Variants in SYN3 observed in about 807,000 individuals in gnomAD.
The protein encoded by SYN3 is synapsin-3.
In SYN3, 35 loss-of-function variants were observed where a neutral mutation model predicts 65.8. The observed-to-expected ratio is 0.53, with a 90% CI of 0.41 to 0.70. The LOEUF is 0.70. Ranked by LOEUF, SYN3 falls within the 30% of genes least tolerant of loss-of-function variation. The probability of loss-of-function intolerance (pLI) is 0.00; values close to 1 mark genes in which losing one functional copy is unlikely to be tolerated. For missense variants in SYN3, 680 were observed against 749.0 expected (o/e 0.91, Z 1.08); for synonymous variants, 270 against 292.9 (o/e 0.92, Z 0.80).
intron 1 of SYN3, among the ~76,000 whole-genome samples, chr22:33,027,666 A>AAAAGAAAGAAAAG (rs2053662595): frequency 6.6e-6 from 1 of 151,894 alleles, no homozygotes; most frequent in African/African-American, 2.4e-5. Context: ...AAAAGAAAGA[A>AAAAGAAAGAAAAG]AAAGAAAGAA....
chr22:32,885,861 C>T (rs2049274402), intron 4 of SYN3, among the ~76,000 whole-genome samples: 1 of 152,098 alleles, frequency 6.6e-6, no homozygotes, highest in South Asian at 2.1e-4. Context: ...GCACCAGGCC[C>T]ATATTCCCTT....
Position 32,640,946 on chromosome 22 carries a change from T to C in SYN3, c.712-44210A>G, listed in dbSNP as rs192430854. Among the ~76,000 whole-genome samples, 321 of 152,294 alleles carry C rather than the reference T, an allele frequency of 2.1e-3. 1 individual carries two copies. The highest frequency in any genetic ancestry group is 3.7e-3 in the Non-Finnish European group (254 of 68,028). ...TAGAAACAGAGTCACAGGGGTATTA[T>C]AAATAAGCATCGGGCTTCAAGTCAG... On this transcript the variant is annotated intron_variant, in intron 6 of 13. Transcript: ENST00000358763.
At chr22:32,533,011 G>A (rs1017177309) in intron 10 of SYN3, among the ~76,000 whole-genome samples, 1 of 151,926 alleles carries the variant, frequency 6.6e-6, no homozygotes, top group Admixed American at 6.6e-5. Flanking sequence ...GGGAGGGGAC[G>A]GGAGGGCTGT....
chr22:32,995,619 AAG>A (rs942134278), intron 2 of SYN3, among the ~76,000 whole-genome samples: 5 of 152,010 alleles, frequency 3.3e-5, no homozygotes, highest in Admixed American at 3.3e-4. Context: ...AGGACAGGCC[AAG>A]ATGCCCTGCA....
At chr22:33,005,501 A>G (rs1375333906) in intron 2 of SYN3, among the ~76,000 whole-genome samples, 1 of 152,180 alleles carries the variant, frequency 6.6e-6, no homozygotes, top group East Asian at 1.9e-4. Context: ...TACTATACCC[A>G]TGCATCTCAG....
chr22:33,057,222 C>T (rs2054268497), intron 1 of SYN3, among the ~76,000 whole-genome samples: 1 of 152,202 alleles, frequency 6.6e-6, no homozygotes, highest in Admixed American at 6.5e-5. Flanking sequence ...GACCTGATCA[C>T]TGATCAGAAT....
At chr22:32,793,651 G>C (rs969878072) in intron 6 of SYN3, among the ~76,000 whole-genome samples, 22 of 152,216 alleles carry the variant, frequency 1.4e-4, no homozygotes, top group Non-Finnish European at 2.4e-4. Context: ...GGGAAGGAAG[G>C]AGAGGACCCT....
chr22:32,586,054 G>GTATATGTA (rs1178170208), intron 7 of SYN3, among the ~76,000 whole-genome samples: 2 of 123,954 alleles, frequency 1.6e-5, no homozygotes, highest in Admixed American at 8.0e-5. Flanking sequence ...GTATATATGT[G>GTATATGTA]TATATGTATA....
At chr22:32,741,706 A>G (rs2061408934) in intron 6 of SYN3, among the ~76,000 whole-genome samples, 1 of 152,082 alleles carries the variant, frequency 6.6e-6, no homozygotes, top group Admixed American at 6.5e-5. Context: ...GCCTTTCCTC[A>G]TAGGACAAGC....
chr22:33,036,215 T>C (rs2145917272), intron 1 of SYN3, among the ~76,000 whole-genome samples: 1 of 152,306 alleles, frequency 6.6e-6, no homozygotes, highest in African/African-American at 2.4e-5. Flanking sequence ...GATGTGTCTG[T>C]GGCTTATGTT....
chr22:32,966,775 G>A (rs988397982), intron 3 of SYN3, among the ~76,000 whole-genome samples: 10 of 152,142 alleles, frequency 6.6e-5, no homozygotes, highest in African/African-American at 2.2e-4. Flanking sequence ...AATTAGCCAG[G>A]TGTTGTGGTG....
At position 32,512,513 on chromosome 22, in the gene SYN3, T is replaced by C. The variant is rs1222448580; in HGVS notation, c.*1179A>G. On this transcript the variant is annotated 3_prime_UTR_variant, in exon 14 of 14. Transcript: ENST00000358763. ...ACTGGGAAGGGAGTTAGACTACTTT[T>C]TCCAGCTCTGCAACTAACTTATTGA... 6.6e-6 allele frequency: 1 copy of C among 152,196 alleles called. No homozygotes were observed. Among genetic ancestry groups the C allele is most frequent in the Non-Finnish European group, 1.5e-5 (1 of 68,034 alleles). The allele number at this position is 152,196 out of a possible 1,614,324, so 9.4% of individuals were successfully genotyped here. A position where few individuals can be genotyped will look rare whatever the true frequency, so the allele number is the denominator to read the frequency against.
intron 6 of SYN3, among the ~76,000 whole-genome samples, chr22:32,603,841 C>T (rs1420260862): frequency 6.6e-6 from 1 of 152,218 alleles, no homozygotes. Flanking sequence ...CGCTCACATG[C>T]CCTGGGCACT....
At chr22:32,562,845 T>C (rs1352103052) in intron 7 of SYN3, among the ~76,000 whole-genome samples, 2 of 152,206 alleles carry the variant, frequency 1.3e-5, no homozygotes, top group Admixed American at 6.5e-5. Flanking sequence ...CTTTCTGTTG[T>C]TGGGGGGCAT....
intron 6 of SYN3, among the ~76,000 whole-genome samples, chr22:32,687,076 A>C (rs1309203428): frequency 3.9e-5 from 6 of 152,164 alleles, no homozygotes; most frequent in Admixed American, 3.9e-4. Context: ...TGGTGCCAGC[A>C]CTGCCCCAGG....
intron 7 of SYN3, among the ~76,000 whole-genome samples, chr22:32,586,012 ACG>A (rs1215495376): frequency 8.7e-5 from 12 of 138,142 alleles, no homozygotes; most frequent in African/African-American, 2.6e-4. Flanking sequence ...ATGTATGTAT[ACG>A]TATATATGTA....
chr22:32,778,138 G>C (rs1044014660), intron 6 of SYN3, among the ~76,000 whole-genome samples: 1 of 152,200 alleles, frequency 6.6e-6, no homozygotes, highest in African/African-American at 2.4e-5. Context: ...CTCAAGGCAG[G>C]ACATTCTATG....
chr22:32,604,722 A>ATGAC (rs2146644248), intron 6 of SYN3, among the ~76,000 whole-genome samples: 1 of 152,244 alleles, frequency 6.6e-6, no homozygotes, highest in Non-Finnish European at 1.5e-5. Flanking sequence ...TTATACATTC[A>ATGAC]TGACTGGGCG....
chr22:32,951,264 C>T (rs1266275156), intron 3 of SYN3, among the ~76,000 whole-genome samples: 1 of 152,050 alleles, frequency 6.6e-6, no homozygotes, highest in Non-Finnish European at 1.5e-5. Flanking sequence ...GCCTCCTGTC[C>T]CCACCACCAA....
Sources: gnomAD v4.1 joint callset for allele counts (sites outside exome capture counted in the v4.1 genomes callset) on GRCh38, gnomAD v4.1.1 for gene constraint, MANE v1.5 for transcripts, NCBI Gene and HGNC (gene_info 2026-07-23, HGNC 2026-07-21) for gene names.